MDN1: variants seen among roughly 807,000 people sequenced by gnomAD.
The protein encoded by MDN1 is midasin AAA ATPase 1.
A neutral mutation model predicts 669.2 loss-of-function variants in MDN1; 266 were observed. The observed-to-expected ratio is 0.40, with a 90% CI of 0.36 to 0.44. The LOEUF (loss-of-function observed/expected upper bound fraction) is 0.44, where lower values mean the gene tolerates loss of function less well. Among genes scored for constraint, MDN1 ranks in the 20% least tolerant of loss-of-function variants. The pLI is 1.00. For missense variants in MDN1, 5,940 were observed against 6,754.0 expected, an observed-to-expected ratio of 0.88 and a Z score of 4.22; for synonymous variants, 2,385 against 2,457.1, an observed-to-expected ratio of 0.97 and a Z score of 0.87.
intron 75 of MDN1, 47 bp downstream of exon 75, chr6:89,678,552 T>C: frequency 6.3e-7 from 1 of 1,596,122 alleles, no homozygotes. Context: ...TTTCTCTCCC[T>C]AAAAGTTGGT....
At position 89,676,190 on chromosome 6, in the gene MDN1, G is replaced by A. The variant is rs116630523; in HGVS notation, c.12557C>T (p.Ser4186Leu). Residue 4186 changes from serine (S) to leucine (L), a missense_variant, in exon 77 of 102, where the codon TCG becomes TTG. Ser to Leu is a moderately radical substitution (Grantham distance 145). This residue lies in a region of MDN1 where 2,280 missense variants were observed against 2,576.3 expected (regional missense o/e 0.88). Coordinates refer to ENST00000369393, the MANE Select transcript of MDN1 (RefSeq NM_014611.3). ...CTTCTGGCATCCATCCCATGAAGAC[G>A]AGATTTCTGTAAGCAGCCTGGAAAA... ...EADSRLLTEI[S>L]SSWDGCQKYF... 2.8e-5 allele frequency: 45 copies of A among 1,614,022 alleles called. No individual in the cohort carries two copies. The East Asian group carries it at 4.2e-4, about 15-fold the overall frequency.
intron 1 of MDN1, chr6:89,814,867 G>C (rs1768706769): frequency 8.1e-6 from 4 of 495,494 alleles, no homozygotes; most frequent in South Asian, 6.0e-5. Context: ...TCAACCTCCG[G>C]ACAGGTACCT....
intron 75 of MDN1, 98 bp downstream of exon 75, chr6:89,678,501 C>A: frequency 7.1e-7 from 1 of 1,417,334 alleles, no homozygotes; most frequent in Non-Finnish European, 9.7e-7. Context: ...TGTCCACCAT[C>A]TCAACTGTCT....
In MDN1 at chr6:89,815,035, A is replaced by T. The variant is rs1341761651; in HGVS notation, c.102+4471T>A. 1.7e-5 allele frequency: 9 copies of T among 522,072 alleles called. 1 individual carries two copies. The African/African-American group carries it at 1.8e-4, about 10-fold the overall frequency. The allele number at this position is 522,072 out of a possible 1,614,324, so 32.3% of individuals were successfully genotyped here. A position where few individuals can be genotyped will look rare whatever the true frequency, so the allele number is the denominator to read the frequency against. ...GGAGACCCAGGTGAAGGCCAGGAGG[A>T]GGAAGAAAGGGGTACAAAAGGGAGA... On this transcript the variant is annotated intron_variant, in intron 1 of 101. Coordinates refer to ENST00000369393, the MANE Select transcript of MDN1 (RefSeq NM_014611.3).
At chr6:89,762,610 G>GT in intron 15 of MDN1, 80 bp from the exon 16 acceptor site, 1 of 987,512 alleles carries the variant, frequency 1.0e-6, no homozygotes, top group South Asian at 1.6e-5. Context: ...GAAAACAGGA[G>GT]TAGGTCTCAG....
intron 40 of MDN1, among the ~76,000 whole-genome samples, chr6:89,722,575 G>A (rs747486126): frequency 1.1e-4 from 16 of 152,226 alleles, no homozygotes; most frequent in Non-Finnish European, 2.1e-4. Flanking sequence ...CTAGCCGGGC[G>A]TGGTGGCTCA....
intron 2 of MDN1, among the ~76,000 whole-genome samples, chr6:89,796,333 A>AAAC (rs755156904): frequency 9.3e-6 from 1 of 107,698 alleles, no homozygotes; most frequent in Non-Finnish European, 2.3e-5. Context: ...TCAAAAAAAA[A>AAAC]AAAAAAAAAA....
In MDN1 at chr6:89,687,013, T is replaced by C. The variant is rs17214794; in HGVS notation, c.11461A>G (p.Met3821Val). Residue 3821 changes from methionine (M) to valine (V), a missense_variant, in exon 69 of 102, where the codon ATG (methionine) becomes GTG (valine). Met to Val is a conservative substitution (Grantham distance 21, BLOSUM62 1). This residue lies in a region of MDN1 where 2,280 missense variants were observed against 2,576.3 expected (regional missense o/e 0.88). Coordinates refer to ENST00000369393, the MANE Select transcript of MDN1 (RefSeq NM_014611.3). ...CGCTTCATAGTATTATCCAAACTCATGGACCAGCAGCTGAAACGAGAAGAA... is the reference window on the plus strand; with the variant it reads ...CGCTTCATAGTATTATCCAAACTCACGGACCAGCAGCTGAAACGAGAAGAA... The part of the protein sequence containing the change: ...WRKLELNCWS[M>V]SLDNTMKRHT... 3.3e-5 allele frequency: 53 copies of C among 1,613,052 alleles called. 1 individual carries two copies. In the Admixed American group the frequency reaches 3.5e-4, roughly 11 times the overall value.
chr6:89,779,864 G>A (rs914825868), intron 11 of MDN1, among the ~76,000 whole-genome samples: 9 of 152,064 alleles, frequency 5.9e-5, no homozygotes, highest in South Asian at 2.1e-4. Context: ...TCAGGAGATC[G>A]AGACCAGCCT....
intron 22 of MDN1, among the ~76,000 whole-genome samples, chr6:89,753,065 G>A (rs1440425796): frequency 3.9e-5 from 6 of 151,986 alleles, no homozygotes; most frequent in South Asian, 2.1e-4. Context: ...GGAGAATGCC[G>A]TGAGCTGAGA....
intron 51 of MDN1, among the ~76,000 whole-genome samples, chr6:89,707,716 G>C (rs904316261): frequency 2.6e-5 from 4 of 152,126 alleles, no homozygotes; most frequent in African/African-American, 9.7e-5. Context: ...GGTCTGTCAC[G>C]ATCTGACAAA....
intron 81 of MDN1, 86 bp downstream of exon 81, chr6:89,672,461 C>T: frequency 6.3e-7 from 1 of 1,593,994 alleles, no homozygotes; most frequent in Non-Finnish European, 8.5e-7. Flanking sequence ...AACATCCATC[C>T]TTAACTATTT....
chr6:89,745,148 A>G (rs555680080), intron 29 of MDN1, 125 bp downstream of exon 29: 11 of 1,014,516 alleles, frequency 1.1e-5, no homozygotes, highest in African/African-American at 7.4e-5. Context: ...AAAAAAAAAA[A>G]AAAAGAAAAA....
At chr6:89,700,485 T>C (rs1394961459) in intron 56 of MDN1, among the ~76,000 whole-genome samples, 161 bp downstream of exon 56, 1 of 152,176 alleles carries the variant, frequency 6.6e-6, no homozygotes, top group African/African-American at 2.4e-5. Context: ...ATTAAAAATA[T>C]ATGTGAAATT....
At position 89,656,681 on chromosome 6, in the gene MDN1, G is replaced by C. The variant is rs1264498895; in HGVS notation, c.15285+19C>G. The C allele has an allele frequency of 1.9e-6, 3 of 1,569,036 alleles. No individual in the cohort carries two copies. The highest frequency in any genetic ancestry group is 2.6e-6 in the Non-Finnish European group (3 of 1,146,412). On this transcript the variant is annotated intron_variant, in intron 91 of 101. Coordinates refer to ENST00000369393, the MANE Select transcript of MDN1 (RefSeq NM_014611.3). ...TACATGCTGCCTTCACCTAAGTTTAGCTGAGGAGTGATAGAAACCTGTGTG... is the reference window on the plus strand; with the variant it reads ...TACATGCTGCCTTCACCTAAGTTTACCTGAGGAGTGATAGAAACCTGTGTG...
At position 89,690,759 on chromosome 6, in the gene MDN1, A is replaced by C. The variant is rs770655165; in HGVS notation, c.10663T>G (p.Tyr3555Asp). 31 of 1,613,902 alleles carry C rather than the reference A, an allele frequency of 1.9e-5. No homozygotes were observed. Among genetic ancestry groups the C allele is most frequent in the Non-Finnish European group, 2.5e-5 (30 of 1,179,994 alleles). Residue 3555 changes from tyrosine to aspartate, a missense_variant, in exon 64 of 102, where the codon TAC (tyrosine) becomes GAC (aspartate). Tyr to Asp is a radical substitution (Grantham distance 160). This residue lies in a region of MDN1 where 2,280 missense variants were observed against 2,576.3 expected (regional missense o/e 0.88). Coordinates refer to ENST00000369393, the MANE Select transcript of MDN1 (RefSeq NM_014611.3). ...GCTGTCCTAGAGTTCCTGCTCCTGT[A>C]TCTATACAGGCCGCTTTCCTGCTCA... is the stretch of plus-strand genomic sequence containing the variant. ...KAEQESGLYR[Y>D]RSRNSRTALS...
chr6:89,665,011 T>C (rs1392323789), intron 84 of MDN1, among the ~76,000 whole-genome samples: 1 of 152,164 alleles, frequency 6.6e-6, no homozygotes. Context: ...CCTTGGTTTC[T>C]ATATTTCTTC....
rs1562062081 is a variant in MDN1 at position 89,670,164 on chromosome 6, ATATATATTTTTT to A, written c.13956+743_13956+754del. Among the ~76,000 whole-genome samples the A allele has an allele frequency of 5.5e-4, 10 of 18,260 alleles. No homozygotes were observed. In the South Asian group the frequency reaches 0.025, roughly 46 times the overall value. 12.0% of individuals were successfully genotyped at this position (18,260 alleles called of 152,430 possible). ...CATATATATATATATATATATATAT[ATATATATTTTTT>A]TTTTTTTTTTTTTTGAGATGCAGTT... On this transcript the variant is annotated intron_variant, in intron 83 of 101. Coordinates refer to ENST00000369393, the MANE Select transcript of MDN1 (RefSeq NM_014611.3).
At chr6:89,743,790 G>C in intron 29 of MDN1, 76 bp from the exon 30 acceptor site, 1 of 1,499,942 alleles carries the variant, frequency 6.7e-7, no homozygotes. Flanking sequence ...CTCAGCAAAA[G>C]AGAAGAACCA....
Sources: allele counts gnomAD v4.1 joint callset (sites outside exome capture counted in the v4.1 genomes callset), GRCh38; gene constraint gnomAD v4.1.1; regional missense constraint gnomAD v4.1.1; transcripts MANE v1.5; gene names NCBI Gene and HGNC (gene_info 2026-07-23, HGNC 2026-07-21).